Variants in KCNIP1 observed in about 807,000 individuals in gnomAD.
KCNIP1 encodes potassium voltage-gated channel interacting protein 1.
Under a neutral mutation model 33.0 loss-of-function variants are expected in KCNIP1, and 18 were observed. The observed-to-expected ratio is 0.55, with a 90% CI of 0.38 to 0.81. KCNIP1 has a LOEUF of 0.81. KCNIP1 is among the 30% of genes least tolerant of loss of function. KCNIP1 has a pLI of 0.00. For missense variants in KCNIP1, 238 were observed against 271.6 expected (o/e 0.88, Z 0.87); for synonymous variants, 93 against 98.3 (o/e 0.95, Z 0.32).
chr5:170,386,578 T>C (rs1240488296), intron 1 of KCNIP1, among the ~76,000 whole-genome samples: 1 of 152,064 alleles, frequency 6.6e-6, no homozygotes, highest in Non-Finnish European at 1.5e-5. Flanking sequence ...CCAGAAACAG[T>C]TCTGTGGCAG....
intron 1 of KCNIP1, among the ~76,000 whole-genome samples, chr5:170,474,894 G>C (rs984088226): frequency 6.6e-6 from 1 of 152,204 alleles, no homozygotes; most frequent in Non-Finnish European, 1.5e-5. Flanking sequence ...CCCCCACCGC[G>C]TAGAAGGGGA....
At chr5:170,723,819 T>C (rs1763914568) in intron 5 of KCNIP1, among the ~76,000 whole-genome samples, 1 of 152,184 alleles carries the variant, frequency 6.6e-6, no homozygotes, top group African/African-American at 2.4e-5. Context: ...GTCGTCATAC[T>C]GGAACCAGTT....
chr5:170,662,376 T>C (rs546684297), intron 1 of KCNIP1, among the ~76,000 whole-genome samples: 9 of 152,130 alleles, frequency 5.9e-5, no homozygotes, highest in East Asian at 1.9e-4. Flanking sequence ...TGTGCTGGAA[T>C]CACATTTCCT....
At chr5:170,632,784 A>AC (rs1265539216) in intron 1 of KCNIP1, among the ~76,000 whole-genome samples, 2 of 152,182 alleles carry the variant, frequency 1.3e-5, no homozygotes, top group Non-Finnish European at 2.9e-5. Flanking sequence ...CAGCTGTGTG[A>AC]CCTCAGGCAA....
intron 1 of KCNIP1, among the ~76,000 whole-genome samples, chr5:170,716,642 T>A (rs1204902385): frequency 6.6e-6 from 1 of 152,226 alleles, no homozygotes; most frequent in Non-Finnish European, 1.5e-5. Context: ...AAACAACTCA[T>A]TTATTAATAA....
chr5:170,656,992 CTTTCT>C (rs1761295426), intron 1 of KCNIP1, among the ~76,000 whole-genome samples: 1 of 116,440 alleles, frequency 8.6e-6, no homozygotes, highest in Non-Finnish European at 1.7e-5. Flanking sequence ...TTTTTTCTTT[CTTTCT>C]TTTTTTTTTT....
At position 170,383,957 on chromosome 5, in the gene KCNIP1, C is replaced by T. The variant is rs74820595; in HGVS notation, c.88+29993C>T. On this transcript the variant is annotated intron_variant, in intron 1 of 7. Coordinates refer to the KCNIP1 transcript ENST00000377360. ...TGGGAGCCTCTAGAGGGATCCAGGA[C>T]TGGGATCCTCATCTTGTCTTCAGCA... The T allele has an allele frequency of 8.0e-4, 928 of 1,161,340 alleles. 5 individuals carry two copies. The African/African-American group carries it at 0.013, about 16-fold the overall frequency. The allele number at this position is 1,161,340 out of a possible 1,614,324, so 71.9% of individuals were successfully genotyped here.
At chr5:170,409,713 T>C (rs1455895485) in intron 1 of KCNIP1, among the ~76,000 whole-genome samples, 6 of 152,196 alleles carry the variant, frequency 3.9e-5, no homozygotes. Flanking sequence ...GCAGGGTGTC[T>C]TATGCCAGTT....
intron 1 of KCNIP1, among the ~76,000 whole-genome samples, chr5:170,470,459 C>G (rs1756697630): frequency 6.6e-6 from 1 of 151,996 alleles, no homozygotes; most frequent in African/African-American, 2.4e-5. Flanking sequence ...CTTGGGTCTG[C>G]CCACCCGGCA....
At chr5:170,718,258 A>C (rs577368291) in intron 1 of KCNIP1, among the ~76,000 whole-genome samples, 3 of 152,322 alleles carry the variant, frequency 2.0e-5, no homozygotes, top group African/African-American at 7.2e-5. Context: ...TTTTATCAGT[A>C]ATACTTAACA....
exon 1 of KCNIP1, chr5:170,353,619 G>T: frequency 1.8e-6 from 1 of 558,206 alleles, no homozygotes; most frequent in Non-Finnish European, 3.2e-6. Context: ...GGCATCCTGA[G>T]GTCCTCCCGT....
At chr5:170,717,251 T>TTTTC (rs1306688991) in intron 1 of KCNIP1, among the ~76,000 whole-genome samples, 5 of 152,250 alleles carry the variant, frequency 3.3e-5, no homozygotes, top group African/African-American at 9.6e-5. Flanking sequence ...ATTTTTCTCC[T>TTTTC]TTTCTTTCTT....
intron 1 of KCNIP1, among the ~76,000 whole-genome samples, chr5:170,567,809 C>T (rs1050333921): frequency 1.3e-5 from 2 of 152,190 alleles, no homozygotes; most frequent in African/African-American, 2.4e-5. Context: ...ACTCTTGGCC[C>T]CCACAGTCAG....
intron 1 of KCNIP1, chr5:170,378,453 G>T: frequency 2.0e-6 from 1 of 504,412 alleles, no homozygotes; most frequent in Admixed American, 3.7e-5. Flanking sequence ...GTGGGGACAG[G>T]TAATAGAGAG....
intron 1 of KCNIP1, among the ~76,000 whole-genome samples, chr5:170,362,474 C>T (rs955948407): frequency 1.3e-5 from 2 of 152,296 alleles, no homozygotes; most frequent in East Asian, 1.9e-4. Context: ...GAGGAGAATG[C>T]CCTCTGAGAC....
At chr5:170,541,056 A>C (rs951523615) in intron 1 of KCNIP1, among the ~76,000 whole-genome samples, 1 of 152,240 alleles carries the variant, frequency 6.6e-6, no homozygotes, top group Non-Finnish European at 1.5e-5. Flanking sequence ...CACAGTTTCC[A>C]AACTTCAGTT....
intron 1 of KCNIP1, among the ~76,000 whole-genome samples, chr5:170,640,992 A>T (rs181263857): frequency 2.6e-4 from 40 of 152,288 alleles, no homozygotes; most frequent in African/African-American, 9.6e-4. Context: ...AGGGCTAAAA[A>T]ATCCAACGAA....
At chr5:170,455,111 C>T (rs1461014586) in intron 1 of KCNIP1, among the ~76,000 whole-genome samples, 1 of 152,078 alleles carries the variant, frequency 6.6e-6, no homozygotes, top group Non-Finnish European at 1.5e-5. Context: ...ATAGGCAGCT[C>T]AGCAATATTT....
At chr5:170,462,045 T>C (rs1240497802) in intron 1 of KCNIP1, among the ~76,000 whole-genome samples, 1 of 152,110 alleles carries the variant, frequency 6.6e-6, no homozygotes, top group African/African-American at 2.4e-5. Flanking sequence ...CTTCTAGACA[T>C]TCGCTTAGGC....
Sources: gnomAD v4.1 joint callset for allele counts (sites outside exome capture counted in the v4.1 genomes callset) on GRCh38, gnomAD v4.1.1 for gene constraint, MANE v1.5 for transcripts, NCBI Gene and HGNC (gene_info 2026-07-23, HGNC 2026-07-21) for gene names.